Variants in COL13A1 observed in about 807,000 individuals in gnomAD.
COL13A1 encodes collagen type XIII alpha 1 chain.
COL13A1 carries 89 observed loss-of-function variants against 130.9 expected under a neutral mutation model. That is an observed-to-expected ratio of 0.68 (90% CI 0.57 to 0.81). The LOEUF is 0.81. Among genes scored for constraint, COL13A1 ranks in the 30% least tolerant of loss-of-function variants. The pLI is 0.00. For missense variants in COL13A1, 879 were observed against 934.6 expected, an observed-to-expected ratio of 0.94 and a Z score of 0.78; for synonymous variants, 402 against 341.6, an observed-to-expected ratio of 1.18 and a Z score of -1.95.
At chr10:69,823,277 G>C (rs991750755) in intron 2 of COL13A1, among the ~76,000 whole-genome samples, 1 of 152,210 alleles carries the variant, frequency 6.6e-6, no homozygotes, top group African/African-American at 2.4e-5. Flanking sequence ...TACTTTTCTA[G>C]GTGCCTGTTA....
At chr10:69,814,988 C>A (rs1007685303) in intron 1 of COL13A1, among the ~76,000 whole-genome samples, 4 of 152,218 alleles carry the variant, frequency 2.6e-5, no homozygotes, top group African/African-American at 9.7e-5. Flanking sequence ...AATAATTCAA[C>A]CCAAAATTGA....
intron 35 of COL13A1, among the ~76,000 whole-genome samples, chr10:69,942,843 C>T (rs905786566): frequency 3.3e-5 from 5 of 152,144 alleles, no homozygotes; most frequent in African/African-American, 4.8e-5. Flanking sequence ...ACCACTGGCC[C>T]GAGCTGACTC....
chr10:69,937,724 CT>C lies in COL13A1; in HGVS notation c.1878+11del. 7.2e-7 allele frequency: 1 copy of C among 1,380,732 alleles called. No individual in the cohort carries two copies. Among genetic ancestry groups the C allele is most frequent in the Non-Finnish European group, 1.0e-6 (1 of 967,550 alleles). 85.5% of individuals were successfully genotyped at this position (1,380,732 alleles called of 1,614,324 possible). On this transcript the variant is annotated intron_variant, in intron 34 of 40. Transcript: ENST00000645393. ...GTCCCCTGGGACTACCCGTAAGTAC[CT>C]TGGACCCAGCAAGACTGGTGGGTTT...
chr10:69,918,609 T>C (rs74740380), intron 19 of COL13A1, among the ~76,000 whole-genome samples: 90 of 152,328 alleles, frequency 5.9e-4, no homozygotes, highest in African/African-American at 2.0e-3. Context: ...TGCTCTGTAA[T>C]TGGGCAGCTA....
chr10:69,879,142 C>T (rs72805163), intron 6 of COL13A1, among the ~76,000 whole-genome samples: 13,223 of 152,194 alleles, frequency 0.087, 672 homozygotes, highest in South Asian at 0.13. Context: ...TCACATGCCC[C>T]GGGTCACACA....
intron 14 of COL13A1, among the ~76,000 whole-genome samples, chr10:69,899,266 C>G (rs1485461147): frequency 6.6e-6 from 1 of 152,164 alleles, no homozygotes; most frequent in Non-Finnish European, 1.5e-5. Flanking sequence ...ATAACAGTGT[C>G]TATTTCACAG....
At chr10:69,873,203 C>G (rs11595524) in intron 4 of COL13A1, among the ~76,000 whole-genome samples, 1 of 152,112 alleles carries the variant, frequency 6.6e-6, no homozygotes, top group Admixed American at 6.5e-5. Flanking sequence ...CAGACCCTTA[C>G]GTTCCTCCCT....
chr10:69,880,044 C>G (rs1291065553), intron 6 of COL13A1, among the ~76,000 whole-genome samples: 1 of 152,074 alleles, frequency 6.6e-6, no homozygotes. Context: ...GGAGGGGGAG[C>G]TGGAAAGCAT....
In COL13A1 at chr10:69,894,733, A is replaced by G. The variant is rs1321867834; in HGVS notation, c.657+32A>G. ...GCAGTGGAGGTTTCCTAGAGTCTCC[A>G]TCTCAGGAAATGGCCTCCCAGTTGG... On this transcript the variant is annotated intron_variant, in intron 12 of 40. Transcript: ENST00000645393. 3 of 1,613,572 alleles carry G rather than the reference A, an allele frequency of 1.9e-6. No individual in the cohort carries two copies. In the African/African-American group the frequency reaches 4.0e-5, roughly 22 times the overall value.
At chr10:69,864,894 C>A (rs1296615548) in intron 2 of COL13A1, among the ~76,000 whole-genome samples, 1 of 152,200 alleles carries the variant, frequency 6.6e-6, no homozygotes, top group Non-Finnish European at 1.5e-5. Context: ...TCCTGACAGC[C>A]CTGCTTGCGG....
intron 33 of COL13A1, 73 bp from the exon 34 acceptor site, chr10:69,937,562 G>A: frequency 4.0e-6 from 3 of 757,528 alleles, no homozygotes; most frequent in Non-Finnish European, 7.0e-6. Flanking sequence ...CAGCCTCCAG[G>A]ACCCCAGAAT....
intron 29 of COL13A1, 25 bp downstream of exon 29, chr10:69,930,112 A>AACG: frequency 6.2e-7 from 1 of 1,612,684 alleles, no homozygotes. Context: ...CCTCTGGTCA[A>AACG]ACCTCTGAAG....
At chr10:69,942,350 T>A (rs1007372901) in intron 35 of COL13A1, among the ~76,000 whole-genome samples, 1 of 152,130 alleles carries the variant, frequency 6.6e-6, no homozygotes, top group African/African-American at 2.4e-5. Context: ...ATGGCTTTGC[T>A]CCTTCGCCAC....
At chr10:69,954,617 C>T (rs1456118404) in intron 39 of COL13A1, among the ~76,000 whole-genome samples, 2 of 152,168 alleles carry the variant, frequency 1.3e-5, no homozygotes, top group Non-Finnish European at 2.9e-5. Context: ...GGAGGGGCCA[C>T]CTGCCTATTC....
At chr10:69,829,497 G>A (rs972220451) in intron 2 of COL13A1, among the ~76,000 whole-genome samples, 1 of 152,198 alleles carries the variant, frequency 6.6e-6, no homozygotes, top group Admixed American at 6.5e-5. Flanking sequence ...TATGGCTGAC[G>A]GGAGCCCTGG....
intron 1 of COL13A1, among the ~76,000 whole-genome samples, chr10:69,810,323 G>A (rs1392462370): frequency 2.1e-5 from 3 of 140,356 alleles, no homozygotes; most frequent in African/African-American, 7.8e-5. Context: ...GTGTTCTGCG[G>A]CTGGACCTGG....
chr10:69,958,616 AT>A, intron 40 of COL13A1, 82 bp from the exon 41 acceptor site: 1 of 1,608,552 alleles, frequency 6.2e-7, no homozygotes, highest in Non-Finnish European at 8.5e-7. Flanking sequence ...CCAGGACAAG[AT>A]TTACCTCCCT....
intron 2 of COL13A1, among the ~76,000 whole-genome samples, chr10:69,857,407 G>A (rs1856740154): frequency 6.6e-6 from 1 of 152,164 alleles, no homozygotes; most frequent in African/African-American, 2.4e-5. Context: ...GTGATTAAGG[G>A]CCTGGTACTG....
Position 69,894,589 on chromosome 10 carries a change from C to T in COL13A1, c.630+11C>T, listed in dbSNP as rs376431649. The T allele has an allele frequency of 7.4e-6, 12 of 1,614,026 alleles. No homozygotes were observed. The African/African-American group carries it at 1.5e-4, about 20-fold the overall frequency. On this transcript the variant is annotated intron_variant, in intron 11 of 40. Transcript: ENST00000645393. The stretch of plus-strand genomic sequence containing the variant: ...CCCCCAGGACAGCCGGTTGGTACCT[C>T]ATCCATCTATTTCCCAGCAGAGAAG...
Sources: allele counts gnomAD v4.1 joint callset (sites outside exome capture counted in the v4.1 genomes callset), GRCh38; gene constraint gnomAD v4.1.1; transcripts MANE v1.5; gene names NCBI Gene and HGNC (gene_info 2026-07-23, HGNC 2026-07-21).